INVS: variants seen among roughly 807,000 people sequenced by gnomAD.
The protein encoded by INVS is inversion of embryo turning homolog.
In INVS, 86 loss-of-function variants were observed where a neutral mutation model predicts 108.8. That is an observed-to-expected ratio of 0.79 (90% CI 0.66 to 0.95). The LOEUF is 0.95. INVS is among the 40% of genes least tolerant of loss of function. The pLI, the probability that INVS is intolerant of heterozygous loss-of-function variation, is 0.00. For missense variants in INVS, 1,169 were observed against 1,297.4 expected, an observed-to-expected ratio of 0.90 and a Z score of 1.52; for synonymous variants, 455 against 473.5, an observed-to-expected ratio of 0.96 and a Z score of 0.51.
At chr9:100,267,727 A>G (rs1176807217) in intron 11 of INVS, among the ~76,000 whole-genome samples, 1 of 152,268 alleles carries the variant, frequency 6.6e-6, no homozygotes, top group Non-Finnish European at 1.5e-5. Flanking sequence ...CAGTAGTAAT[A>G]ATCACAATGT....
At chr9:100,175,837 T>A in intron 3 of INVS, 3 of 665,536 alleles carry the variant, frequency 4.5e-6, no homozygotes, top group South Asian at 4.1e-5. Flanking sequence ...CCTGGAACAA[T>A]CAGGCCTGGA....
chr9:100,261,265 CTTT>C lies in INVS; in HGVS notation c.1465-3541_1465-3539del, dbSNP rs1191530321. On this transcript the variant is annotated intron_variant, in intron 10 of 16. Transcript: ENST00000262457. ...TGTCTTTATGATACTAGGAATGCAT[CTTT>C]TTTTTTTTTTTTTTTGAGACAGAGT... Among the ~76,000 whole-genome samples, 56 of 136,298 alleles carry C rather than the reference CTTT, an allele frequency of 4.1e-4. 2 individuals are homozygous for C. In the East Asian group the frequency reaches 9.5e-3, roughly 23 times the overall value. The allele number at this position is 136,298 out of a possible 152,430, so 89.4% of individuals were successfully genotyped here. A position where few individuals can be genotyped will look rare whatever the true frequency, so the allele number is the denominator to read the frequency against.
intron 5 of INVS, among the ~76,000 whole-genome samples, chr9:100,232,545 G>A (rs1831546379): frequency 6.6e-6 from 1 of 152,158 alleles, no homozygotes; most frequent in Non-Finnish European, 1.5e-5. Flanking sequence ...GTGTAAGGAA[G>A]GGGTCCAGTT....
intron 14 of INVS, among the ~76,000 whole-genome samples, chr9:100,293,826 T>A (rs776052453): frequency 3.3e-5 from 5 of 152,162 alleles, no homozygotes; most frequent in Non-Finnish European, 5.9e-5. Flanking sequence ...AAATTAGGCC[T>A]TACAGTGATG....
intron 13 of INVS, among the ~76,000 whole-genome samples, chr9:100,290,085 A>AG (rs756872650): frequency 7.6e-5 from 10 of 131,398 alleles, no homozygotes; most frequent in Non-Finnish European, 1.8e-4. Context: ...TTGTAGTTTT[A>AG]GTTTTTTTTT....
chr9:100,217,138 G>A (rs1217982446), intron 3 of INVS, among the ~76,000 whole-genome samples: 3 of 151,914 alleles, frequency 2.0e-5, no homozygotes, highest in Admixed American at 6.6e-5. Context: ...GTGAAACCCC[G>A]TCTCTACCAA....
At position 100,126,500 on chromosome 9, in the gene INVS, A is replaced by G; in HGVS notation, c.224A>G (p.Asn75Ser). ...CTTCTGAAGGCAGGAGCAGATGTGA[A>G]TAAAACTGACCATAGCCAGAGAACA... is the stretch of plus-strand genomic sequence containing the variant. ...DALLKAGADV[N>S]KTDHSQRTAL... The change falls in exon 3 of 17, where the codon AAT (asparagine) becomes AGT (serine). Residue 75 changes from asparagine (N) to serine (S), a missense_variant. This residue lies in a region of INVS where 365 missense variants were observed against 397.5 expected (regional missense o/e 0.92). Transcript: ENST00000262457. 2 of 1,614,198 alleles carry G rather than the reference A, an allele frequency of 1.2e-6. No homozygotes were observed. Among genetic ancestry groups the G allele is most frequent in the Non-Finnish European group, 1.7e-6 (2 of 1,180,012 alleles).
intron 14 of INVS, among the ~76,000 whole-genome samples, chr9:100,294,549 G>A (rs1044790057): frequency 3.3e-5 from 5 of 152,204 alleles, no homozygotes; most frequent in African/African-American, 4.8e-5. Context: ...ATGACAGGGA[G>A]CAGTATCCCC....
chr9:100,276,551 C>T (rs1000223263), intron 12 of INVS, among the ~76,000 whole-genome samples: 1 of 152,160 alleles, frequency 6.6e-6, no homozygotes, highest in African/African-American at 2.4e-5. Flanking sequence ...TTCTGTCATC[C>T]AGGCTGGAGT....
At chr9:100,227,957 A>ACCAGAT (rs1296290896) in intron 4 of INVS, among the ~76,000 whole-genome samples, 1 of 151,300 alleles carries the variant, frequency 6.6e-6, no homozygotes, top group East Asian at 1.9e-4. Context: ...ATGCCCTACT[A>ACCAGAT]CCAGATACCA....
intron 3 of INVS, among the ~76,000 whole-genome samples, chr9:100,170,829 C>T (rs1005503448): frequency 6.6e-6 from 1 of 152,190 alleles, no homozygotes; most frequent in Non-Finnish European, 1.5e-5. Context: ...ACAACCATGA[C>T]AGGGACTATC....
chr9:100,230,474 T>C (rs1564167829), intron 5 of INVS, among the ~76,000 whole-genome samples: 1 of 152,154 alleles, frequency 6.6e-6, no homozygotes. Flanking sequence ...TGTTTTGTTT[T>C]TTTGCAGTGC....
intron 3 of INVS, among the ~76,000 whole-genome samples, chr9:100,162,454 A>C (rs566694717): frequency 6.6e-6 from 1 of 152,338 alleles, no homozygotes; most frequent in South Asian, 2.1e-4. Flanking sequence ...CTCTTAAGCT[A>C]GCTTTCCTTG....
chr9:100,198,534 G>A (rs986235075), intron 3 of INVS, among the ~76,000 whole-genome samples: 9 of 150,852 alleles, frequency 6.0e-5, no homozygotes, highest in Non-Finnish European at 1.0e-4. Flanking sequence ...CAGGTGATCC[G>A]CCCTCCTCAG....
intron 3 of INVS, among the ~76,000 whole-genome samples, chr9:100,141,319 T>C (rs893849497): frequency 6.6e-6 from 1 of 152,098 alleles, no homozygotes; most frequent in Non-Finnish European, 1.5e-5. Flanking sequence ...TCTAGTCCTT[T>C]TTAAGTTGGT....
Position 100,292,840 on chromosome 9 carries a change from G to C in INVS, c.2583G>C (p.Arg861Ser), listed in dbSNP as rs1419684872. 2.5e-6 allele frequency: 4 copies of C among 1,614,072 alleles called. No individual in the cohort carries two copies. Among genetic ancestry groups the C allele is most frequent in the Non-Finnish European group, 3.4e-6 (4 of 1,180,048 alleles). The change falls in exon 14 of 17, where the codon AGG (arginine) becomes AGC (serine). Residue 861 changes from arginine (R) to serine (S), a missense_variant. This residue lies in a region of INVS where 533 missense variants were observed against 536.0 expected (regional missense o/e 0.99). Transcript: ENST00000262457. ...AGGAGTTGAGGTCAGGAGCTAGGAG[G>C]CTGGAGACATCTACCCTGTCCGAGG... ...STEELRSGAR[R>S]LETSTLSEDF...
intron 2 of INVS, among the ~76,000 whole-genome samples, chr9:100,112,308 A>G (rs1215288817): frequency 6.6e-6 from 1 of 152,218 alleles, no homozygotes; most frequent in Non-Finnish European, 1.5e-5. Flanking sequence ...AAATAGACAA[A>G]TTTTGCCTTA....
chr9:100,166,925 GTCCT>G (rs1281674902), intron 3 of INVS, among the ~76,000 whole-genome samples: 2 of 152,142 alleles, frequency 1.3e-5, no homozygotes, highest in South Asian at 4.1e-4. Context: ...AAGCATGTCA[GTCCT>G]CTGCTCCAGA....
intron 12 of INVS, among the ~76,000 whole-genome samples, chr9:100,274,345 C>CA (rs150636048): frequency 0.18 from 26,993 of 151,588 alleles, 2,819 homozygotes; most frequent in African/African-American, 0.29. Flanking sequence ...GCAATAGAGT[C>CA]AGACTCTGTC....
Sources: gnomAD v4.1 joint callset for allele counts (sites outside exome capture counted in the v4.1 genomes callset) on GRCh38, gnomAD v4.1.1 for gene constraint, gnomAD v4.1.1 regional missense constraint, MANE v1.5 for transcripts, NCBI Gene and HGNC (gene_info 2026-07-23, HGNC 2026-07-21) for gene names.